The following TPTE variants were observed in gnomAD, a reference collection of about 807,000 sequenced individuals.
The protein encoded by TPTE is transmembrane phosphatase with tensin homology, also known as putative tyrosine-protein phosphatase TPTE.
A neutral mutation model predicts 84.1 loss-of-function variants in TPTE; 59 were observed. That is an observed-to-expected ratio of 0.70 (90% CI 0.57 to 0.87). TPTE has a LOEUF of 0.87. TPTE is among the 40% of genes least tolerant of loss of function. The probability of loss-of-function intolerance (pLI) is 0.00; values close to 1 mark genes in which losing one functional copy is unlikely to be tolerated. For missense variants in TPTE, 382 were observed against 659.6 expected, an observed-to-expected ratio of 0.58 and a Z score of 4.61; for synonymous variants, 130 against 223.5, an observed-to-expected ratio of 0.58 and a Z score of 3.73.
In TPTE at chr21:10,605,491, C is replaced by A; in HGVS notation, c.1595C>A (p.Ala532Asp). The change falls in exon 24 of 24, where the codon GCC becomes GAC. Residue 532 changes from alanine (A) to aspartate (D), a missense_variant. Around this residue, in one of 10 missense-constraint regions of TPTE, gnomAD observed 120 missense variants for 79.1 expected, o/e 1.52. Coordinates refer to ENST00000618007, the MANE Select transcript of TPTE (RefSeq NM_199261.4). ...CGGAGAATTTATCCATCAGATTTTG[C>A]CGTGGAGATACTTTTTGGCGAGAAA... ...KARRIYPSDF[A>D]VEILFGEKMT... 2 of 1,614,240 alleles carry A rather than the reference C, an allele frequency of 1.2e-6. No homozygotes were observed. Among genetic ancestry groups the A allele is most frequent in the Non-Finnish European group, 1.7e-6 (2 of 1,180,026 alleles).
At chr21:10,562,029 T>G (rs2074815875) in intron 10 of TPTE, among the ~76,000 whole-genome samples, 1 of 152,302 alleles carries the variant, frequency 6.6e-6, no homozygotes, top group Non-Finnish European at 1.5e-5. Context: ...TTTAGGTGCC[T>G]CAGAACAGAG....
At chr21:10,556,181 AT>A (rs1286137320) in intron 8 of TPTE, among the ~76,000 whole-genome samples, 3 of 152,300 alleles carry the variant, frequency 2.0e-5, no homozygotes, top group Non-Finnish European at 2.9e-5. Context: ...TCCTAATGCT[AT>A]CCCTCCCCCA....
At chr21:10,558,554 A>C (rs1734052267) in intron 8 of TPTE, among the ~76,000 whole-genome samples, 1 of 152,312 alleles carries the variant, frequency 6.6e-6, no homozygotes, top group Admixed American at 6.5e-5. Flanking sequence ...TCTTCTTTTG[A>C]GAAATGTCTG....
intron 3 of TPTE, among the ~76,000 whole-genome samples, chr21:10,534,172 C>T (rs1198060028): frequency 6.6e-6 from 1 of 152,310 alleles, no homozygotes; most frequent in African/African-American, 2.4e-5. Context: ...GGGAAAATTT[C>T]ATTTAATTAA....
intron 3 of TPTE, among the ~76,000 whole-genome samples, chr21:10,535,287 G>A (rs552229608): frequency 2.0e-5 from 3 of 152,430 alleles, no homozygotes; most frequent in East Asian, 3.8e-4. Flanking sequence ...TAGAAACAAG[G>A]ATTTATATAC....
At chr21:10,563,506 TAGGG>T (rs1475660618) in intron 10 of TPTE, among the ~76,000 whole-genome samples, 18 of 152,420 alleles carry the variant, frequency 1.2e-4, no homozygotes, top group African/African-American at 2.4e-4. Flanking sequence ...AGTTAAAAAA[TAGGG>T]AGACTAAGTT....
rs113140892 is a variant in TPTE at position 10,561,125 on chromosome 21, G to A, written c.380G>A (p.Arg127His). The change falls in exon 10 of 24, where the codon CGT becomes CAT. Residue 127 changes from arginine (R) to histidine (H), a missense_variant. Physicochemically the swap from Arg to His is conservative, Grantham distance 29 (BLOSUM62 0). Around this residue, in one of 10 missense-constraint regions of TPTE, gnomAD observed 85 missense variants for 230.9 expected, o/e 0.37. Coordinates refer to ENST00000618007, the MANE Select transcript of TPTE (RefSeq NM_199261.4). ...DSKLYIPLEY[R>H]SISLAIALFF... The stretch of plus-strand genomic sequence containing the variant: ...AAACTTTATATTCCTTTGGAGTATC[G>A]TTCTATTTCTCTAGCTATTGCCTTA... 5.8e-5 allele frequency: 94 copies of A among 1,611,956 alleles called. No homozygotes were observed. The highest frequency in any genetic ancestry group is 2.3e-4 in the Middle Eastern group (1 of 4,428).
At chr21:10,528,800 G>A (rs2074126771) in intron 3 of TPTE, among the ~76,000 whole-genome samples, 1 of 152,308 alleles carries the variant, frequency 6.6e-6, no homozygotes. Context: ...CCAAATTAGT[G>A]TTTTATTCTG....
chr21:10,585,963 C>CT (rs373694018), intron 17 of TPTE, among the ~76,000 whole-genome samples: 76 of 152,242 alleles, frequency 5.0e-4, no homozygotes, highest in African/African-American at 1.3e-3. Flanking sequence ...GCCTTCTCCC[C>CT]TTTTTTCTTC....
chr21:10,537,417 G>A (rs1234014167), intron 3 of TPTE, among the ~76,000 whole-genome samples: 3 of 152,306 alleles, frequency 2.0e-5, no homozygotes, highest in Non-Finnish European at 4.4e-5. Flanking sequence ...GGTGGCTCAC[G>A]CCTGTAATCC....
chr21:10,532,722 G>A (rs1407364663), intron 3 of TPTE, among the ~76,000 whole-genome samples: 24 of 152,390 alleles, frequency 1.6e-4, no homozygotes, highest in African/African-American at 3.8e-4. Context: ...AAAATATTTC[G>A]TGATTTCCCT....
chr21:10,581,059 A>G (rs1433347557), intron 17 of TPTE, among the ~76,000 whole-genome samples: 1 of 152,310 alleles, frequency 6.6e-6, no homozygotes, highest in Admixed American at 6.5e-5. Context: ...TGACTTATAT[A>G]ATTCAGTAAA....
chr21:10,597,373 G>A (rs2075607389), intron 20 of TPTE, among the ~76,000 whole-genome samples: 1 of 152,264 alleles, frequency 6.6e-6, no homozygotes, highest in African/African-American at 2.4e-5. Flanking sequence ...AAGAAAGGTT[G>A]CAAAGGTTGC....
At chr21:10,543,726 T>G (rs539693756) in intron 7 of TPTE, among the ~76,000 whole-genome samples, 83 of 152,356 alleles carry the variant, frequency 5.4e-4, no homozygotes, top group African/African-American at 1.9e-3. Context: ...GTTAGTGTAT[T>G]TGTCACCCTC....
chr21:10,523,570 G>C (rs71443672), intron 1 of TPTE, among the ~76,000 whole-genome samples: 8 of 152,286 alleles, frequency 5.3e-5, no homozygotes, highest in South Asian at 2.1e-4. Flanking sequence ...TTGTTCTTGC[G>C]ATAGTTTACT....
intron 10 of TPTE, among the ~76,000 whole-genome samples, chr21:10,566,153 A>G (rs1311511340): frequency 2.6e-5 from 4 of 152,308 alleles, no homozygotes; most frequent in African/African-American, 9.6e-5. Flanking sequence ...AGCTCAAACA[A>G]CTCTCTAGGA....
intron 8 of TPTE, among the ~76,000 whole-genome samples, chr21:10,553,698 A>G (rs1197138008): frequency 5.3e-5 from 8 of 152,302 alleles, no homozygotes; most frequent in Admixed American, 5.2e-4. Context: ...CTGGTGTTTC[A>G]TAACAGGGGG....
At chr21:10,581,609 T>C (rs303297) in intron 17 of TPTE, among the ~76,000 whole-genome samples, 25,634 of 133,214 alleles carry the variant, frequency 0.19, 18 homozygotes, top group African/African-American at 0.46. Flanking sequence ...AAATATTTTA[T>C]ATTGATTTAT....
chr21:10,597,684 G>A (rs1291777030), intron 20 of TPTE, among the ~76,000 whole-genome samples: 1 of 152,304 alleles, frequency 6.6e-6, no homozygotes, highest in Admixed American at 6.5e-5. Context: ...CAAAGTGCTA[G>A]GATTACAGGT....
Sources: gnomAD v4.1 joint callset for allele counts (sites outside exome capture counted in the v4.1 genomes callset) on GRCh38, gnomAD v4.1.1 for gene constraint, gnomAD v4.1.1 regional missense constraint, MANE v1.5 for transcripts, NCBI Gene and HGNC (gene_info 2026-07-23, HGNC 2026-07-21) for gene names.